Variants in PARM1 observed in about 807,000 individuals in gnomAD.
PARM1 encodes prostate androgen-regulated mucin-like protein 1.
In PARM1, 14 loss-of-function variants were observed where a neutral mutation model predicts 24.6. The observed-to-expected ratio is 0.57, with a 90% CI of 0.38 to 0.89. The LOEUF (loss-of-function observed/expected upper bound fraction) is 0.89, where lower values mean the gene tolerates loss of function less well. Ranked by LOEUF, PARM1 falls within the 40% of genes least tolerant of loss-of-function variation. The probability of loss-of-function intolerance (pLI) is 0.00; values close to 1 mark genes in which losing one functional copy is unlikely to be tolerated. For synonymous variants in PARM1, 179 were observed against 156.6 expected (o/e 1.14, Z -1.07); for missense variants, 362 against 380.4 (o/e 0.95, Z 0.40).
intron 1 of PARM1, among the ~76,000 whole-genome samples, chr4:74,990,514 C>T (rs1027117170): frequency 2.0e-5 from 3 of 152,108 alleles, no homozygotes; most frequent in Non-Finnish European, 4.4e-5. Context: ...TATGCAGGCA[C>T]AGTACCAGAA....
chr4:74,999,792 G>T (rs962348355), intron 1 of PARM1, among the ~76,000 whole-genome samples: 1 of 152,176 alleles, frequency 6.6e-6, no homozygotes, highest in Non-Finnish European at 1.5e-5. Flanking sequence ...AACAAAGTGT[G>T]GGTCCCTGAT....
chr4:75,045,810 T>A (rs954902739), intron 3 of PARM1, among the ~76,000 whole-genome samples: 1 of 152,260 alleles, frequency 6.6e-6, no homozygotes, highest in Non-Finnish European at 1.5e-5. Context: ...GCCCAGAACC[T>A]AAGTCAGAAT....
At chr4:75,006,020 A>G (rs916333737) in intron 1 of PARM1, among the ~76,000 whole-genome samples, 1 of 152,174 alleles carries the variant, frequency 6.6e-6, no homozygotes, top group Non-Finnish European at 1.5e-5. Flanking sequence ...TTCACCTCTA[A>G]CTGAGAAAGT....
intron 2 of PARM1, among the ~76,000 whole-genome samples, chr4:75,015,910 T>C (rs981030411): frequency 6.6e-6 from 1 of 152,196 alleles, no homozygotes; most frequent in African/African-American, 2.4e-5. Flanking sequence ...GTTACTATTT[T>C]GGGATGCTCT....
intron 2 of PARM1, among the ~76,000 whole-genome samples, chr4:75,028,146 T>C (rs1249883193): frequency 1.3e-5 from 2 of 152,238 alleles, no homozygotes; most frequent in Non-Finnish European, 1.5e-5. Context: ...TGGCACACAG[T>C]AAGTAACAGG....
intron 1 of PARM1, chr4:74,957,393 G>C (rs973608027): frequency 6.6e-6 from 1 of 152,084 alleles, no homozygotes; most frequent in African/African-American, 2.4e-5. Flanking sequence ...TACCTTTTAG[G>C]ACTGCTGGAT....
intron 1 of PARM1, among the ~76,000 whole-genome samples, chr4:74,951,194 T>C (rs978940444): frequency 2.0e-5 from 3 of 152,220 alleles, no homozygotes. Context: ...AGGTATACTA[T>C]GTTAGAGACA....
chr4:74,980,228 G>A (rs749901303), intron 1 of PARM1, among the ~76,000 whole-genome samples: 13 of 152,048 alleles, frequency 8.5e-5, no homozygotes, highest in Non-Finnish European at 1.3e-4. Context: ...CATCATCTCC[G>A]CCCCAAAGCT....
chr4:74,982,276 A>C (rs1329355276), intron 1 of PARM1, among the ~76,000 whole-genome samples: 1 of 152,234 alleles, frequency 6.6e-6, no homozygotes, highest in African/African-American at 2.4e-5. Flanking sequence ...GGGGAACAAC[A>C]CACACTGGGG....
At chr4:75,003,684 C>G (rs1208603497) in intron 1 of PARM1, among the ~76,000 whole-genome samples, 1 of 152,082 alleles carries the variant, frequency 6.6e-6, no homozygotes, top group Non-Finnish European at 1.5e-5. Context: ...ATGGTTGGAC[C>G]ACACTCTAAT....
intron 1 of PARM1, among the ~76,000 whole-genome samples, chr4:74,946,795 A>G (rs577350831): frequency 7.5e-4 from 115 of 152,354 alleles, no homozygotes; most frequent in African/African-American, 2.7e-3. Context: ...ATTCACAATA[A>G]TGCCAAAAAC....
chr4:75,018,380 T>G (rs982124329), intron 2 of PARM1, among the ~76,000 whole-genome samples: 2 of 152,190 alleles, frequency 1.3e-5, no homozygotes, highest in Non-Finnish European at 2.9e-5. Context: ...GAAGAACATA[T>G]TGAGAATCAT....
At chr4:74,986,006 A>T (rs1465656455) in intron 1 of PARM1, among the ~76,000 whole-genome samples, 1 of 152,122 alleles carries the variant, frequency 6.6e-6, no homozygotes, top group Non-Finnish European at 1.5e-5. Flanking sequence ...TGACCTCGTG[A>T]TCCACCTGCC....
chr4:74,979,134 G>T (rs528971754), intron 1 of PARM1, among the ~76,000 whole-genome samples: 1 of 148,526 alleles, frequency 6.7e-6, no homozygotes. Flanking sequence ...AGATAGAGAC[G>T]CACACACACA....
intron 1 of PARM1, among the ~76,000 whole-genome samples, chr4:74,943,164 C>T (rs933361343): frequency 2.0e-5 from 3 of 152,162 alleles, no homozygotes; most frequent in African/African-American, 7.2e-5. Flanking sequence ...CTTGCCAACA[C>T]CATATTCCCA....
Position 75,046,223 on chromosome 4 carries a change from C to A in PARM1, c.909C>A (p.Asn303Lys). The A allele has an allele frequency of 6.2e-7, 1 of 1,611,400 alleles. No homozygotes were observed. Among genetic ancestry groups the A allele is most frequent in the Non-Finnish European group, 8.5e-7 (1 of 1,177,544 alleles). The change falls in exon 4 of 4, where the codon AAC becomes AAA. Residue 303 changes from asparagine to lysine, a missense_variant. Coordinates refer to ENST00000307428, the MANE Select transcript of PARM1 (RefSeq NM_015393.4). The stretch of plus-strand genomic sequence containing the variant: ...ACTACGGGTCCTGGGGAAACTACAA[C>A]AACCCTCTGTACGATGACTCCTAAC... Reference protein sequence around the residue: ...DHDYGSWGNYNNPLYDDS With the variant: ...DHDYGSWGNYKNPLYDDS
At chr4:75,042,178 TATC>T (rs1205316893) in intron 3 of PARM1, among the ~76,000 whole-genome samples, 2 of 152,218 alleles carry the variant, frequency 1.3e-5, no homozygotes, top group Non-Finnish European at 2.9e-5. Context: ...TATAAGCAGT[TATC>T]ATCAAATATT....
chr4:75,044,952 C>T (rs1260937287), intron 3 of PARM1, among the ~76,000 whole-genome samples: 4 of 152,154 alleles, frequency 2.6e-5, no homozygotes, highest in African/African-American at 4.8e-5. Flanking sequence ...AGGAAAGACC[C>T]GCCCCCATAA....
At chr4:74,936,438 GTTT>G (rs33956924) in intron 1 of PARM1, among the ~76,000 whole-genome samples, 10,741 of 31,846 alleles carry the variant, frequency 0.34, 527 homozygotes, top group Non-Finnish European at 0.39. Context: ...ACATTCAAGT[GTTT>G]TTTTTTTGTT....
Sources: allele counts gnomAD v4.1 joint callset (sites outside exome capture counted in the v4.1 genomes callset), GRCh38; gene constraint gnomAD v4.1.1; transcripts MANE v1.5; gene names NCBI Gene and HGNC (gene_info 2026-07-23, HGNC 2026-07-21).